ADCY8: variants seen among roughly 807,000 people sequenced by gnomAD.
ADCY8 encodes adenylate cyclase 8.
In ADCY8, 51 loss-of-function variants were observed where a neutral mutation model predicts 119.7. That is an observed-to-expected ratio of 0.43 (90% CI 0.34 to 0.54). The LOEUF (loss-of-function observed/expected upper bound fraction) is 0.54, where lower values mean the gene tolerates loss of function less well. Ranked by LOEUF, ADCY8 falls within the 20% of genes least tolerant of loss-of-function variation. The probability of loss-of-function intolerance (pLI) is 0.03; values close to 1 mark genes in which losing one functional copy is unlikely to be tolerated. For synonymous variants in ADCY8, 665 were observed against 651.0 expected (o/e 1.02, Z -0.33); for missense variants, 1,383 against 1,598.8 (o/e 0.87, Z 2.30).
At chr8:131,029,316 A>G (rs1028849261) in intron 1 of ADCY8, among the ~76,000 whole-genome samples, 17 of 152,208 alleles carry the variant, frequency 1.1e-4, no homozygotes, top group African/African-American at 4.1e-4. Context: ...ATAATAACAG[A>G]GATAAAATAC....
intron 1 of ADCY8, among the ~76,000 whole-genome samples, chr8:131,007,785 G>A (rs1027854388): frequency 6.6e-6 from 1 of 152,184 alleles, no homozygotes; most frequent in Non-Finnish European, 1.5e-5. Context: ...GTACAAATAT[G>A]ATCATGATAG....
chr8:130,909,520 C>T (rs1475912722), intron 6 of ADCY8, among the ~76,000 whole-genome samples, 188 bp downstream of exon 6: 1 of 152,148 alleles, frequency 6.6e-6, no homozygotes, highest in African/African-American at 2.4e-5. Context: ...TATTCCACAT[C>T]CTTGTTGCCT....
chr8:130,798,384 A>G (rs371273726), intron 15 of ADCY8, among the ~76,000 whole-genome samples: 1 of 152,204 alleles, frequency 6.6e-6, no homozygotes, highest in Non-Finnish European at 1.5e-5. Flanking sequence ...TCAGCTGGTC[A>G]TGGAGTCGAG....
chr8:130,851,074 A>G (rs1817510929), intron 9 of ADCY8, among the ~76,000 whole-genome samples: 2 of 152,104 alleles, frequency 1.3e-5, no homozygotes, highest in African/African-American at 2.4e-5. Flanking sequence ...TATTCTAATC[A>G]CTTTGGTGAG....
In ADCY8 at chr8:130,824,153, G is replaced by A. The variant is rs998547887; in HGVS notation, c.2676-2733C>T. The stretch of plus-strand genomic sequence containing the variant: ...TGTTCATTATAGCACATTTGACCCC[G>A]AATTTTTAGTTTATTATTAGTTCCC... On this transcript the variant is annotated intron_variant, in intron 12 of 17. Transcript: ENST00000286355. Among the ~76,000 whole-genome samples, 9 of 152,202 alleles carry A rather than the reference G, an allele frequency of 5.9e-5. No homozygotes were observed. The East Asian group carries it at 7.7e-4, about 13-fold the overall frequency.
At chr8:130,824,211 C>A (rs1046684446) in intron 12 of ADCY8, among the ~76,000 whole-genome samples, 2 of 152,186 alleles carry the variant, frequency 1.3e-5, no homozygotes, top group Non-Finnish European at 2.9e-5. Flanking sequence ...ATAAACCATT[C>A]AGCTTGAATT....
chr8:130,938,101 G>A (rs1820844475), intron 4 of ADCY8, among the ~76,000 whole-genome samples: 1 of 152,188 alleles, frequency 6.6e-6, no homozygotes, highest in Non-Finnish European at 1.5e-5. Flanking sequence ...GGGGAGCCAA[G>A]GGCACTGGTT....
At chr8:130,841,816 GA>G (rs1817151299) in intron 11 of ADCY8, among the ~76,000 whole-genome samples, 1 of 152,174 alleles carries the variant, frequency 6.6e-6, no homozygotes, top group African/African-American at 2.4e-5. Flanking sequence ...AAATCATCTG[GA>G]CTTATTGCTT....
chr8:130,846,567 C>T (rs1266154018), intron 11 of ADCY8, among the ~76,000 whole-genome samples: 1 of 129,808 alleles, frequency 7.7e-6, no homozygotes, highest in East Asian at 2.8e-4. Context: ...TTCCTTCCTT[C>T]CTTCCCCTTC....
intron 1 of ADCY8, among the ~76,000 whole-genome samples, chr8:131,038,603 G>C (rs972892854): frequency 6.6e-6 from 1 of 152,150 alleles, no homozygotes; most frequent in African/African-American, 2.4e-5. Flanking sequence ...AGAAAGGAGG[G>C]AAAGATACCT....
intron 9 of ADCY8, 67 bp downstream of exon 9, chr8:130,867,779 T>C: frequency 8.7e-7 from 1 of 1,144,548 alleles, no homozygotes; most frequent in Non-Finnish European, 1.3e-6. Context: ...AAAAGTCAGC[T>C]GGCTGACTCC....
At chr8:130,941,650 C>G (rs1395961121) in intron 4 of ADCY8, among the ~76,000 whole-genome samples, 1 of 152,138 alleles carries the variant, frequency 6.6e-6, no homozygotes, top group Non-Finnish European at 1.5e-5. Flanking sequence ...GTTTCCACTT[C>G]CTCCTCCGCC....
chr8:131,005,998 TC>T (rs1823104400), intron 1 of ADCY8, among the ~76,000 whole-genome samples: 1 of 152,148 alleles, frequency 6.6e-6, no homozygotes, highest in Admixed American at 6.5e-5. Context: ...CTTAAATGTC[TC>T]CCTGCTCCCA....
At chr8:130,980,377 G>T (rs1215634854) in intron 2 of ADCY8, among the ~76,000 whole-genome samples, 30 of 152,180 alleles carry the variant, frequency 2.0e-4, no homozygotes, top group Admixed American at 2.0e-3. Context: ...ACTAGTTTTA[G>T]ATTTTAGAAG....
intron 9 of ADCY8, among the ~76,000 whole-genome samples, chr8:130,861,396 G>A (rs910920085): frequency 1.3e-5 from 2 of 152,074 alleles, no homozygotes; most frequent in African/African-American, 4.8e-5. Context: ...AAGATTTCTT[G>A]TACAAATTTT....
chr8:130,913,141 T>A (rs958870494), intron 5 of ADCY8, among the ~76,000 whole-genome samples: 2 of 152,178 alleles, frequency 1.3e-5, no homozygotes, highest in Non-Finnish European at 2.9e-5. Flanking sequence ...AATAATCACA[T>A]CATGGAGAAT....
chr8:130,831,766 GGA>G (rs1816841631), intron 12 of ADCY8, among the ~76,000 whole-genome samples: 1 of 152,310 alleles, frequency 6.6e-6, no homozygotes, highest in African/African-American at 2.4e-5. Flanking sequence ...ATGCCTTTGA[GGA>G]GGGGGAATTG....
intron 7 of ADCY8, chr8:130,892,340 T>C (rs969944186): frequency 6.7e-6 from 1 of 149,866 alleles, no homozygotes; most frequent in Admixed American, 6.7e-5. Context: ...GTCTGGATGC[T>C]AACTTTGATA....
chr8:130,875,787 G>C (rs1483944038), intron 8 of ADCY8, among the ~76,000 whole-genome samples: 1 of 152,136 alleles, frequency 6.6e-6, no homozygotes, highest in African/African-American at 2.4e-5. Flanking sequence ...AAAAAACTGA[G>C]AGACATTCTG....
Sources: allele counts gnomAD v4.1 joint callset (sites outside exome capture counted in the v4.1 genomes callset), GRCh38; gene constraint gnomAD v4.1.1; transcripts MANE v1.5; gene names NCBI Gene and HGNC (gene_info 2026-07-23, HGNC 2026-07-21).